Variants in CFAP58 observed in about 807,000 individuals in gnomAD.
The protein encoded by CFAP58 is cilia and flagella associated protein 58, also known as cilia- and flagella-associated protein 58.
A neutral mutation model predicts 119.5 loss-of-function variants in CFAP58; 88 were observed. The observed-to-expected ratio is 0.74, with a 90% CI of 0.62 to 0.88. CFAP58 has a LOEUF of 0.88. CFAP58 is among the 40% of genes least tolerant of loss of function. The pLI is 0.00. For missense variants in CFAP58, 990 were observed against 1,021.2 expected, an observed-to-expected ratio of 0.97 and a Z score of 0.42; for synonymous variants, 365 against 366.3, an observed-to-expected ratio of 1.00 and a Z score of 0.04.
chr10:104,397,583 T>C (rs2012187757), intron 11 of CFAP58, among the ~76,000 whole-genome samples: 1 of 152,178 alleles, frequency 6.6e-6, no homozygotes, highest in Non-Finnish European at 1.5e-5. Flanking sequence ...GTTTCCATCA[T>C]CTTGGTGTCA....
intron 15 of CFAP58, among the ~76,000 whole-genome samples, chr10:104,432,385 C>A (rs1208286396): frequency 6.6e-6 from 1 of 152,108 alleles, no homozygotes; most frequent in Non-Finnish European, 1.5e-5. Context: ...ATAAGGTAAC[C>A]TTATTAGTAA....
rs2012227434 is a variant in CFAP58 at position 104,399,649 on chromosome 10, T to C, written c.1815+149T>C. On this transcript the variant is annotated intron_variant, in intron 12 of 17. Transcript: ENST00000369704. ...AGACCCATCTTGTGTTGATTAATTA[T>C]GAAATATTCACTCCTTTATTTGACT... The C allele has an allele frequency of 3.6e-6, 3 of 822,982 alleles. No individual in the cohort carries two copies. In the South Asian group the frequency reaches 5.7e-5, roughly 16 times the overall value. The allele number at this position is 822,982 out of a possible 1,614,324, so 51.0% of individuals were successfully genotyped here.
intron 14 of CFAP58, among the ~76,000 whole-genome samples, chr10:104,406,282 G>A (rs1286340604): frequency 6.6e-6 from 1 of 152,172 alleles, no homozygotes; most frequent in Non-Finnish European, 1.5e-5. Flanking sequence ...TGTCCTATCA[G>A]TATAAAAGGA....
chr10:104,438,460 C>T (rs1381003685), intron 15 of CFAP58, among the ~76,000 whole-genome samples: 11 of 146,940 alleles, frequency 7.5e-5, no homozygotes, highest in Admixed American at 1.4e-4. Flanking sequence ...ACTGCCAGCT[C>T]CGCTTCCCGG....
intron 7 of CFAP58, among the ~76,000 whole-genome samples, chr10:104,372,504 T>C (rs541647560): frequency 6.6e-6 from 1 of 152,332 alleles, no homozygotes; most frequent in East Asian, 1.9e-4. Context: ...ATGCATTCAG[T>C]AAATCAAACC....
intron 15 of CFAP58, among the ~76,000 whole-genome samples, chr10:104,428,756 A>ATG (rs1184260449): frequency 6.6e-6 from 1 of 152,156 alleles, no homozygotes; most frequent in Non-Finnish European, 1.5e-5. Flanking sequence ...AGGCAAGAGG[A>ATG]TGAAGGCTAC....
chr10:104,444,979 G>C (rs2013091559), intron 15 of CFAP58, among the ~76,000 whole-genome samples: 3 of 152,126 alleles, frequency 2.0e-5, no homozygotes, highest in Admixed American at 1.3e-4. Flanking sequence ...CAGTTCAGTT[G>C]CTCAGCTATT....
chr10:104,385,687 G>C (rs1319559524), intron 9 of CFAP58, among the ~76,000 whole-genome samples: 1 of 152,006 alleles, frequency 6.6e-6, no homozygotes, highest in African/African-American at 2.4e-5. Context: ...AGAGAAGAGG[G>C]CAGAGAATAG....
chr10:104,401,586 A>C (rs1022278300), intron 13 of CFAP58, among the ~76,000 whole-genome samples: 2 of 152,192 alleles, frequency 1.3e-5, no homozygotes, highest in Non-Finnish European at 2.9e-5. Context: ...AGCTATCCTT[A>C]TTCCCCACAG....
chr10:104,391,371 A>G (rs1294575632), intron 9 of CFAP58, among the ~76,000 whole-genome samples: 1 of 152,160 alleles, frequency 6.6e-6, no homozygotes, highest in Non-Finnish European at 1.5e-5. Flanking sequence ...ACCATTAATT[A>G]AGGGAACACC....
At chr10:104,429,693 A>T (rs1026199865) in intron 15 of CFAP58, among the ~76,000 whole-genome samples, 1 of 152,176 alleles carries the variant, frequency 6.6e-6, no homozygotes, top group Non-Finnish European at 1.5e-5. Flanking sequence ...TAAGTAAAAA[A>T]CAACTCAAGG....
intron 16 of CFAP58, among the ~76,000 whole-genome samples, chr10:104,449,513 TAGTC>T (rs1317213250): frequency 2.0e-5 from 3 of 152,082 alleles, no homozygotes; most frequent in African/African-American, 4.8e-5. Flanking sequence ...AGGAAGCAGA[TAGTC>T]AGGCTTTGAA....
chr10:104,353,763 C>A, upstream of CFAP58: 1 of 1,025,634 alleles, frequency 9.8e-7, no homozygotes, highest in South Asian at 1.6e-5. Context: ...GACGGGCCGA[C>A]GCGCCGAGCG....
chr10:104,379,905 G>A (rs2011748479), intron 8 of CFAP58, 124 bp from the exon 9 acceptor site: 1 of 875,844 alleles, frequency 1.1e-6, no homozygotes, highest in African/African-American at 1.7e-5. Flanking sequence ...TAGAGAATAT[G>A]ATCATTTTTA....
chr10:104,357,958 C>T (rs569122938), intron 1 of CFAP58, among the ~76,000 whole-genome samples: 6 of 112,470 alleles, frequency 5.3e-5, no homozygotes, highest in East Asian at 4.3e-4. Context: ...CATATATACA[C>T]ATATATGTAC....
chr10:104,338,906 C>T, the CFAP58 span, among the ~76,000 whole-genome samples: 1 of 142,104 alleles, frequency 7.0e-6, no homozygotes, highest in African/African-American at 2.9e-5. Flanking sequence ...AGCTTACTAC[C>T]GTTTTTTTTT....
At chr10:104,409,317 T>C (rs1479668385) in intron 15 of CFAP58, among the ~76,000 whole-genome samples, 1 of 152,212 alleles carries the variant, frequency 6.6e-6, no homozygotes, top group South Asian at 2.1e-4. Flanking sequence ...TGTATTTAAG[T>C]TATCTTTTAC....
intron 15 of CFAP58, among the ~76,000 whole-genome samples, chr10:104,447,189 T>G (rs2133097808): frequency 6.6e-6 from 1 of 152,042 alleles, no homozygotes; most frequent in South Asian, 2.1e-4. Flanking sequence ...CTCTCTCTTT[T>G]TTTTTTTAAA....
chr10:104,450,172 C>A lies in CFAP58; in HGVS notation c.2478C>A (p.Tyr826Ter). The A allele has an allele frequency of 1.9e-6, 3 of 1,613,064 alleles. No individual in the cohort carries two copies. Among genetic ancestry groups the A allele is most frequent in the South Asian group, 1.1e-5 (1 of 90,778 alleles). ...AGCTCCAGAATTTAAAGAAGAAATACCTCGCTCAGAAACGTAAAGAACAAC... is the reference window on the plus strand; with the variant it reads ...AGCTCCAGAATTTAAAGAAGAAATAACTCGCTCAGAAACGTAAAGAACAAC... ...TNELQNLKKKYLAQKRKEQLQ... is the reference protein window; with the variant it reads ...TNELQNLKKK The change falls in exon 17 of 18, where the codon TAC (tyrosine) becomes TAA (stop). Residue 826 changes from tyrosine to a stop codon, truncating the protein, a stop_gained. Transcript: ENST00000369704. LOFTEE classifies it high-confidence loss of function.
Sources: allele counts gnomAD v4.1 joint callset (sites outside exome capture counted in the v4.1 genomes callset), GRCh38; gene constraint gnomAD v4.1.1; transcripts MANE v1.5; gene names NCBI Gene and HGNC (gene_info 2026-07-23, HGNC 2026-07-21).